The following CDK6 variants were observed in gnomAD, a reference collection of about 807,000 sequenced individuals.
CDK6 encodes the protein cyclin dependent kinase 6.
CDK6 carries 6 observed loss-of-function variants against 37.1 expected under a neutral mutation model. The ratio of observed to expected loss-of-function variants is 0.16; its 90% confidence interval spans 0.09 to 0.32. The LOEUF is 0.32. CDK6 is among the 10% of genes least tolerant of loss of function. CDK6 has a pLI of 1.00. For missense variants in CDK6, 224 were observed against 418.9 expected (o/e 0.53, Z 4.06); for synonymous variants, 160 against 161.3 (o/e 0.99, Z 0.06).
intron 5 of CDK6, among the ~76,000 whole-genome samples, chr7:92,668,009 T>TCA (rs1796997012): frequency 6.6e-6 from 1 of 152,204 alleles, no homozygotes; most frequent in Non-Finnish European, 1.5e-5. Flanking sequence ...GGCCTTCAAT[T>TCA]CACTCACCAC....
At chr7:92,731,744 A>G (rs1362527140) in intron 3 of CDK6, among the ~76,000 whole-genome samples, 1 of 152,096 alleles carries the variant, frequency 6.6e-6, no homozygotes, top group African/African-American at 2.4e-5. Flanking sequence ...GTCTCAACTA[A>G]CTGGAAATAA....
chr7:92,820,509 T>A (rs1427198026), intron 2 of CDK6, among the ~76,000 whole-genome samples: 1 of 152,020 alleles, frequency 6.6e-6, no homozygotes. Flanking sequence ...CTGATAGAAA[T>A]TGTGATGTTA....
intron 4 of CDK6, among the ~76,000 whole-genome samples, chr7:92,689,143 C>T (rs550963010): frequency 2.0e-5 from 3 of 152,058 alleles, no homozygotes; most frequent in African/African-American, 4.8e-5. Flanking sequence ...GGCTCATAGG[C>T]TTTACAGGTA....
chr7:92,669,946 G>C (rs1797038193), intron 5 of CDK6, among the ~76,000 whole-genome samples: 1 of 152,222 alleles, frequency 6.6e-6, no homozygotes, highest in African/African-American at 2.4e-5. Flanking sequence ...TGCATTTCCA[G>C]CAAGGTGCCT....
At chr7:92,656,978 T>A (rs970349190) in intron 5 of CDK6, among the ~76,000 whole-genome samples, 1 of 152,136 alleles carries the variant, frequency 6.6e-6, no homozygotes, top group Non-Finnish European at 1.5e-5. Context: ...ATACCCTTGG[T>A]CTTCCGGCCA....
chr7:92,815,344 G>A (rs921252375), intron 2 of CDK6, among the ~76,000 whole-genome samples: 4 of 152,096 alleles, frequency 2.6e-5, no homozygotes, highest in Admixed American at 6.6e-5. Flanking sequence ...ACTCAGAAAT[G>A]AGAGCCAGCA....
chr7:92,655,089 G>C (rs1302482036), intron 5 of CDK6, among the ~76,000 whole-genome samples: 2 of 148,348 alleles, frequency 1.3e-5, no homozygotes, highest in African/African-American at 5.0e-5. Flanking sequence ...CAAGTGATCT[G>C]TCCACCTTGG....
At chr7:92,814,269 T>G (rs964539688) in intron 2 of CDK6, among the ~76,000 whole-genome samples, 6 of 152,190 alleles carry the variant, frequency 3.9e-5, no homozygotes, top group African/African-American at 1.2e-4. Flanking sequence ...ACAATGTTCT[T>G]TCTTCAATTA....
In CDK6 at chr7:92,725,404, T is replaced by C. The variant is rs17164754; in HGVS notation, c.537+222A>G. 6.4e-3 allele frequency: 5,320 copies of C among 828,874 alleles called. 209 individuals carry two copies. In the African/African-American group the frequency reaches 0.09, roughly 14 times the overall value. 51.3% of individuals were successfully genotyped at this position (828,874 alleles called of 1,614,324 possible). ...CCAGTGGCTAAGATGCAACAGGCTA[T>C]TTCTGCAATGGATCCTGTCCACAAC... On this transcript the variant is annotated intron_variant, in intron 4 of 7. Coordinates refer to ENST00000424848, the MANE Select transcript of CDK6 (RefSeq NM_001145306.2).
rs187660964 is a variant in CDK6 at position 92,828,790 on chromosome 7, G to C, written c.233+4301C>G. Among the ~76,000 whole-genome samples the C allele has an allele frequency of 1.2e-3, 175 of 152,168 alleles. 1 individual carries two copies. The highest frequency in any genetic ancestry group is 3.9e-3 in the African/African-American group (163 of 41,514). On this transcript the variant is annotated intron_variant, in intron 2 of 7. Transcript: ENST00000424848. ...TGTATAAAAGGGATATAACTGCAAT[G>C]TCAAAAATTCAGCATTATCAAGTTC...
At chr7:92,620,251 A>G (rs1795779536) in intron 6 of CDK6, among the ~76,000 whole-genome samples, 1 of 152,160 alleles carries the variant, frequency 6.6e-6, no homozygotes, top group Admixed American at 6.5e-5. Flanking sequence ...AACTTTATAT[A>G]ATTTTATATA....
At chr7:92,807,794 G>T (rs976828017) in intron 2 of CDK6, among the ~76,000 whole-genome samples, 1 of 151,984 alleles carries the variant, frequency 6.6e-6, no homozygotes, top group Non-Finnish European at 1.5e-5. Context: ...ACAGTCAAAC[G>T]GTATAACCAA....
At chr7:92,769,389 A>G (rs1194574654) in intron 3 of CDK6, among the ~76,000 whole-genome samples, 1 of 152,202 alleles carries the variant, frequency 6.6e-6, no homozygotes, top group African/African-American at 2.4e-5. Flanking sequence ...AAAAGAGGCC[A>G]TATGGTCTTG....
intron 7 of CDK6, 67 bp downstream of exon 7, chr7:92,618,005 C>T (rs2116483325): frequency 6.5e-7 from 1 of 1,546,542 alleles, no homozygotes; most frequent in Non-Finnish European, 8.8e-7. Flanking sequence ...GTGCCCACCA[C>T]CCAGTCTGGG....
chr7:92,629,276 T>A (rs1371234825), intron 5 of CDK6, among the ~76,000 whole-genome samples: 4 of 152,090 alleles, frequency 2.6e-5, no homozygotes, highest in Non-Finnish European at 5.9e-5. Flanking sequence ...TAGGAGGGAC[T>A]ATGAGTCTGG....
intron 5 of CDK6, among the ~76,000 whole-genome samples, chr7:92,625,219 AACACACACACACAC>A (rs71699291): frequency 3.7e-4 from 52 of 141,990 alleles, no homozygotes; most frequent in African/African-American, 1.1e-3. Flanking sequence ...GTGGTAACTA[AACACACACACACAC>A]ACACACACAC....
chr7:92,690,003 A>G (rs1386115425), intron 4 of CDK6, among the ~76,000 whole-genome samples: 1 of 151,678 alleles, frequency 6.6e-6, no homozygotes, highest in African/African-American at 2.4e-5. Flanking sequence ...TATGTTTCTT[A>G]TAGATGCTCC....
chr7:92,766,043 G>C (rs1029191901), intron 3 of CDK6, among the ~76,000 whole-genome samples: 2 of 152,090 alleles, frequency 1.3e-5, no homozygotes, highest in African/African-American at 2.4e-5. Flanking sequence ...AGTGGAGGCA[G>C]ATCAGAAAGG....
At chr7:92,673,613 C>T (rs1797138594) in intron 4 of CDK6, among the ~76,000 whole-genome samples, 1 of 152,154 alleles carries the variant, frequency 6.6e-6, no homozygotes, top group Non-Finnish European at 1.5e-5. Flanking sequence ...CCTTTATATC[C>T]TAGTCACATC....
Sources: gnomAD v4.1 joint callset for allele counts (sites outside exome capture counted in the v4.1 genomes callset) on GRCh38, gnomAD v4.1.1 for gene constraint, MANE v1.5 for transcripts, NCBI Gene and HGNC (gene_info 2026-07-23, HGNC 2026-07-21) for gene names.